Variants in ZNF18 observed in about 807,000 individuals in gnomAD.
ZNF18 encodes the protein heart development-specific gene 1 protein.
In ZNF18, 42 loss-of-function variants were observed where a neutral mutation model predicts 58.1. That is an observed-to-expected ratio of 0.72 (90% CI 0.56 to 0.93). The LOEUF (loss-of-function observed/expected upper bound fraction) is 0.93. Ranked by LOEUF, ZNF18 falls within the 40% of genes least tolerant of loss-of-function variation. The pLI is 0.00. For synonymous variants in ZNF18, 231 were observed against 239.8 expected (o/e 0.96, Z 0.34); for missense variants, 540 against 644.2 (o/e 0.84, Z 1.75).
the ZNF18 span, among the ~76,000 whole-genome samples, chr17:12,013,125 T>C: frequency 6.6e-6 from 1 of 152,102 alleles, no homozygotes; most frequent in Non-Finnish European, 1.5e-5. Flanking sequence ...CTAATTTTTG[T>C]GTTTTTAGTA....
chr17:11,994,145 A>G (rs553579115), intron 1 of ZNF18, among the ~76,000 whole-genome samples: 1 of 152,280 alleles, frequency 6.6e-6, no homozygotes, highest in Admixed American at 6.5e-5. Context: ...AAGATACCCC[A>G]TCACTTGAGG....
At chr17:11,983,264 G>T in intron 6 of ZNF18, 33 bp downstream of exon 6, 1 of 1,527,704 alleles carries the variant, frequency 6.5e-7, no homozygotes, top group South Asian at 1.1e-5. Flanking sequence ...CAGGCAGTCA[G>T]AAATGATTCC....
chr17:11,990,346 GACAGACAGC>G, intron 4 of ZNF18, 107 bp downstream of exon 4: 2 of 786,492 alleles, frequency 2.5e-6, no homozygotes, highest in Non-Finnish European at 4.0e-6. Context: ...AACATATGGT[GACAGACAGC>G]AGATCAGAGG....
chr17:12,008,819 C>T, the ZNF18 span, among the ~76,000 whole-genome samples: 150 of 152,268 alleles, frequency 9.9e-4, no homozygotes, highest in Non-Finnish European at 1.9e-3. Flanking sequence ...CTGTTGTTCC[C>T]CACAAGATCC....
At chr17:12,020,921 C>G in the ZNF18 span, 1 of 1,216,216 alleles carries the variant, frequency 8.2e-7, no homozygotes, top group Non-Finnish European at 1.0e-6. Flanking sequence ...GGCGGCGGCT[C>G]CGGGGGCGGC....
At chr17:12,020,902 C>G in the ZNF18 span, 18 of 1,216,312 alleles carry the variant, frequency 1.5e-5, no homozygotes, top group African/African-American at 1.7e-4. Flanking sequence ...GGCTCCGAGC[C>G]CGAGCGGCGG....
chr17:11,990,671 A>G, intron 3 of ZNF18, 121 bp from the exon 4 acceptor site: 5 of 773,262 alleles, frequency 6.5e-6, no homozygotes, highest in Middle Eastern at 3.2e-4. Context: ...ACTGCCATCT[A>G]TATTTCAAGA....
chr17:11,987,534 A>C (rs1228283378), intron 4 of ZNF18, among the ~76,000 whole-genome samples: 1 of 152,228 alleles, frequency 6.6e-6, no homozygotes, highest in Non-Finnish European at 1.5e-5. Context: ...AATGGTTGCT[A>C]ACTAGTTATC....
the ZNF18 span, among the ~76,000 whole-genome samples, chr17:12,008,529 A>T: frequency 6.6e-6 from 1 of 152,104 alleles, no homozygotes; most frequent in Non-Finnish European, 1.5e-5. Context: ...ATGTTCCTTT[A>T]ACATACTTAC....
At chr17:11,994,970 CAGG>C (rs1417079572) in intron 1 of ZNF18, among the ~76,000 whole-genome samples, 1 of 152,184 alleles carries the variant, frequency 6.6e-6, no homozygotes, top group Non-Finnish European at 1.5e-5. Context: ...GGACAAGGAA[CAGG>C]AGAAGGAGAA....
upstream of ZNF18, among the ~76,000 whole-genome samples, chr17:11,999,073 A>G (rs942185092): frequency 1.3e-5 from 2 of 152,178 alleles, no homozygotes; most frequent in Admixed American, 1.3e-4. Flanking sequence ...GGACACCTTC[A>G]TTGGGTATTG....
chr17:12,016,474 C>A, the ZNF18 span, among the ~76,000 whole-genome samples: 1 of 152,186 alleles, frequency 6.6e-6, no homozygotes, highest in East Asian at 1.9e-4. Context: ...GGATTACAGG[C>A]ATGCGCCACC....
intron 6 of ZNF18, 100 bp from the exon 7 acceptor site, chr17:11,978,844 T>TTTC (rs1967160842): frequency 3.1e-6 from 2 of 646,624 alleles, no homozygotes; most frequent in Admixed American, 7.8e-5. Context: ...CATTTTCTTT[T>TTTC]TTTTTTTTTT....
the ZNF18 span, among the ~76,000 whole-genome samples, chr17:12,007,638 G>A: frequency 6.6e-6 from 1 of 152,156 alleles, no homozygotes; most frequent in Non-Finnish European, 1.5e-5. Flanking sequence ...AATCCCATCA[G>A]CACTGAGCAG....
At chr17:12,015,056 C>CA in the ZNF18 span, among the ~76,000 whole-genome samples, 302 of 150,868 alleles carry the variant, frequency 2.0e-3, 1 homozygote, top group African/African-American at 6.9e-3. Context: ...TCAAAAAAAA[C>CA]AAAAAAAACC....
At chr17:12,005,921 G>C in the ZNF18 span, among the ~76,000 whole-genome samples, 5 of 152,094 alleles carry the variant, frequency 3.3e-5, no homozygotes, top group Admixed American at 2.6e-4. Flanking sequence ...TACTAGAAAA[G>C]AATGATTGAT....
In ZNF18 at chr17:11,990,537, G is replaced by C. The variant is rs781165983; in HGVS notation, c.591C>G (p.Ser197=). Residue 197 remains serine (S), a synonymous_variant, in exon 4 of 7, where the codon TCC becomes TCG. Transcript: ENST00000580306. ...DTEAELALAA[S]QPARLEERLI... is the part of the protein sequence containing the mutation. ...GCCTTTCCTCCAGTCGGGCAGGCTG[G>C]GAGGCAGCCAGGGCTGAAGTGAGGA... 6.2e-7 allele frequency: 1 copy of C among 1,610,626 alleles called. No homozygotes were observed. Among genetic ancestry groups the C allele is most frequent in the Non-Finnish European group, 8.5e-7 (1 of 1,179,038 alleles).
At chr17:11,983,670 G>C (rs1967531333) in intron 5 of ZNF18, among the ~76,000 whole-genome samples, 1 of 152,154 alleles carries the variant, frequency 6.6e-6, no homozygotes, top group Non-Finnish European at 1.5e-5. Context: ...GCTGGTGTGA[G>C]AATCATGATG....
At chr17:11,998,979 C>T (rs989906471), upstream of ZNF18, among the ~76,000 whole-genome samples, 4 of 151,974 alleles carry the variant, frequency 2.6e-5, no homozygotes, top group East Asian at 1.9e-4. Flanking sequence ...CCTAGCTGGA[C>T]GTTTCTAACA....
Sources: gnomAD v4.1 joint callset for allele counts (sites outside exome capture counted in the v4.1 genomes callset) on GRCh38, gnomAD v4.1.1 for gene constraint, MANE v1.5 for transcripts, NCBI Gene and HGNC (gene_info 2026-07-23, HGNC 2026-07-21) for gene names.